MEFV: variants seen among roughly 807,000 people sequenced by gnomAD.
MEFV encodes MEFV innate immunity regulator, pyrin.
MEFV carries 60 observed loss-of-function variants against 62.5 expected under a neutral mutation model. The ratio of observed to expected loss-of-function variants is 0.96; its 90% CI spans 0.78 to 1.19. The LOEUF is 1.19. Ranked by LOEUF, MEFV falls within the 50% of genes most tolerant of loss-of-function variation. MEFV has a pLI of 0.00. For synonymous variants in MEFV, 500 were observed against 415.2 expected, an observed-to-expected ratio of 1.20 and a Z score of -2.48; for missense variants, 1,169 against 1,004.5, an observed-to-expected ratio of 1.16 and a Z score of -2.21.
At chr16:3,251,023 CAAAAAAAAAAAAAA>C (rs58529756) in intron 2 of MEFV, among the ~76,000 whole-genome samples, 1 of 49,378 alleles carries the variant, frequency 2.0e-5, no homozygotes. Flanking sequence ...GACTCCATCT[CAAAAAAAAAAAAAA>C]AAAAAAAAAG....
chr16:3,251,023 CAAAA>C (rs58529756), intron 2 of MEFV, among the ~76,000 whole-genome samples: 2 of 49,376 alleles, frequency 4.1e-5, no homozygotes, highest in Non-Finnish European at 4.3e-5. Context: ...GACTCCATCT[CAAAA>C]AAAAAAAAAA....
rs150252937 is a variant in MEFV at position 3,249,743 on chromosome 16, G to A, written c.948C>T (p.His316=). Residue 316 remains histidine (H), a synonymous_variant, in exon 3 of 10, where the codon CAC becomes CAT. Transcript: ENST00000219596. ...PPDTAASPRC[H]AQEGDPVDGT... is the part of the protein sequence containing the mutation. ...CGTCAACTGGGTCTCCTTCCTGGGC[G>A]TGGCAGCGGGGACTCGCAGCCGTGT... 1.3e-4 allele frequency: 207 copies of A among 1,614,144 alleles called. No homozygotes were observed. Among genetic ancestry groups the A allele is most frequent in the Admixed American group, 2.7e-4 (16 of 60,016 alleles).
At chr16:3,252,299 G>A (rs1264803758) in intron 2 of MEFV, among the ~76,000 whole-genome samples, 1 of 145,432 alleles carries the variant, frequency 6.9e-6, no homozygotes, top group African/African-American at 2.5e-5. Flanking sequence ...TTGAGACAGA[G>A]TTTTGCTCTT....
intron 4 of MEFV, chr16:3,247,716 T>G: frequency 5.8e-6 from 1 of 171,806 alleles, no homozygotes; most frequent in East Asian, 1.5e-4. Flanking sequence ...GGCAGATCAC[T>G]TGAGATCAGG....
chr16:3,246,674 G>A (rs185373962), intron 5 of MEFV, 127 bp from the exon 6 acceptor site: 21 of 1,010,130 alleles, frequency 2.1e-5, no homozygotes, highest in Non-Finnish European at 3.2e-5. Flanking sequence ...CCTGCCCTAG[G>A]GTGTCAGTGG....
intron 5 of MEFV, 145 bp downstream of exon 5, chr16:3,246,871 C>T (rs892952552): frequency 3.6e-6 from 3 of 823,304 alleles, no homozygotes; most frequent in Admixed American, 4.0e-5. Flanking sequence ...GCACAAGAGG[C>T]ACTGTGGGTC....
chr16:3,247,440 G>C lies in MEFV; in HGVS notation c.1357-194C>G, dbSNP rs1227365251. The stretch of plus-strand genomic sequence containing the variant: ...AAAAGACTGAGCATGGCTGGGGCTA[G>C]CTCTGGGAAAATGTCCTTAAACCTG... On this transcript the variant is annotated intron_variant, in intron 4 of 9. Transcript: ENST00000219596. 5.0e-6 allele frequency: 3 copies of C among 601,522 alleles called. No homozygotes were observed. In the African/African-American group the frequency reaches 5.6e-5, roughly 11 times the overall value. The allele number at this position is 601,522 out of a possible 1,614,324, so 37.3% of individuals were successfully genotyped here.
intron 9 of MEFV, 76 bp downstream of exon 9, chr16:3,243,784 G>C: frequency 6.2e-7 from 1 of 1,608,524 alleles, no homozygotes. Flanking sequence ...GGACAGGGTA[G>C]TTCTTCTGGA....
In MEFV at chr16:3,256,458, G is replaced by C. The variant is rs1172820862; in HGVS notation, c.130C>G (p.Gln44Glu). Residue 44 changes from glutamine (Q) to glutamate (E), a missense_variant, in exon 1 of 10, where the codon CAG becomes GAG. Gln to Glu is a conservative substitution (Grantham distance 29). Transcript: ENST00000219596. ...QKEHSRIPRS[Q>E]IQRARPVKMA... ...TTCACCGGCCTGGCTCTCTGGATCTGGCTCCGGGGGATCCTGGAGTGCTCC... is the reference window on the plus strand; with the variant it reads ...TTCACCGGCCTGGCTCTCTGGATCTCGCTCCGGGGGATCCTGGAGTGCTCC... 1 of 1,614,224 alleles carries C rather than the reference G, an allele frequency of 6.2e-7. No individual in the cohort carries two copies. The highest frequency in any genetic ancestry group is 2.2e-5 in the East Asian group (1 of 44,884).
Position 3,254,620 on chromosome 16 carries a change from C to T in MEFV, c.448G>A (p.Gly150Arg), listed in dbSNP as rs1959088372. The T allele has an allele frequency of 1.9e-6, 3 of 1,603,680 alleles. No individual in the cohort carries two copies. The highest frequency in any genetic ancestry group is 1.7e-4 in the Middle Eastern group (1 of 6,030). The change falls in exon 2 of 10, where the codon GGG becomes AGG. Residue 150 changes from glycine (G) to arginine (R), a missense_variant. Gly to Arg is a moderately radical substitution (Grantham distance 125, BLOSUM62 -2). Coordinates refer to ENST00000219596, the MANE Select transcript of MEFV (RefSeq NM_000243.3). ...ASLRCSQPEAGRGLSRKPLSK... is the reference protein window; with the variant it reads ...ASLRCSQPEARRGLSRKPLSK... ...AGGGGCTTCCTCGACAGCCCCCTCC[C>T]GGCCTCGGGCTGGCTGCACCGCAGG...
At chr16:3,244,924 A>G (rs546430403) in intron 6 of MEFV, among the ~76,000 whole-genome samples, 3 of 149,242 alleles carry the variant, frequency 2.0e-5, no homozygotes, top group East Asian at 1.9e-4. Context: ...ATAATAAATG[A>G]AAAAAAAACA....
At chr16:3,244,923 G>GAA (rs75994097) in intron 6 of MEFV, among the ~76,000 whole-genome samples, 33 of 151,574 alleles carry the variant, frequency 2.2e-4, no homozygotes, top group African/African-American at 6.8e-4. Context: ...GATAATAAAT[G>GAA]AAAAAAAAAC....
chr16:3,254,747 G>A lies in MEFV; in HGVS notation c.321C>T (p.Ser107=). ...TGGGCTTGTTCTCCCCCAGGGAGCT[G>A]GACGCTGCGGAATCATCTGTGCCGT... ...QENGTDDSAA[S]SSLGENKPRS... The change falls in exon 2 of 10, where the codon TCC becomes TCT. Residue 107 remains serine (S), a synonymous_variant. Transcript: ENST00000219596. 1.9e-6 allele frequency: 3 copies of A among 1,612,800 alleles called. No homozygotes were observed. The highest frequency in any genetic ancestry group is 1.3e-5 in the African/African-American group (1 of 75,068).
intron 4 of MEFV, 31 bp from the exon 5 acceptor site, chr16:3,247,277 G>A (rs750330939): frequency 1.9e-6 from 3 of 1,601,932 alleles, no homozygotes; most frequent in Admixed American, 3.3e-5. Context: ...AGGTATGGGG[G>A]TCTGTGCTGT....
chr16:3,254,845 G>A, intron 1 of MEFV, 55 bp from the exon 2 acceptor site: 5 of 1,603,174 alleles, frequency 3.1e-6, no homozygotes, highest in Non-Finnish European at 4.2e-6. Context: ...TAGGGCCCAA[G>A]ATTCAGGGCA....
At chr16:3,246,974 A>G (rs1472774911) in intron 5 of MEFV, 42 bp downstream of exon 5, 1 of 1,578,454 alleles carries the variant, frequency 6.3e-7, no homozygotes, top group Admixed American at 1.7e-5. Context: ...GCATCCTGAT[A>G]GGCACAGGGG....
chr16:3,248,639 G>A lies in MEFV; in HGVS notation c.1356+270C>T, dbSNP rs115453411. On this transcript the variant is annotated intron_variant, in intron 4 of 9. Transcript: ENST00000219596. ...CCCTTTTCCTCAATCCCATCTTTCT[G>A]CAGTAGTCACCGGCATAGGTTGCTC... 2,140 of 944,028 alleles carry A rather than the reference G, an allele frequency of 2.3e-3. 29 individuals carry two copies. In the African/African-American group the frequency reaches 0.03, roughly 13 times the overall value. The allele number at this position is 944,028 out of a possible 1,614,324, so 58.5% of individuals were successfully genotyped here. A position where few individuals can be genotyped will look rare whatever the true frequency, so the allele number is the denominator to read the frequency against.
chr16:3,243,153 CT>C lies in MEFV; in HGVS notation c.2333del (p.Gln778ArgfsTer55). ...APLTICPVGG[Q>X]GPD ...CAGTGTTGGGCATTCAGTCAGGCCC[CT>C]GACCACCCACTGGACAGATAGTCAG... is the stretch of plus-strand genomic sequence containing the variant. On this transcript the variant is annotated frameshift_variant, in exon 10 of 10. Coordinates refer to ENST00000219596, the MANE Select transcript of MEFV (RefSeq NM_000243.3). LOFTEE classifies it high-confidence loss of function. The C allele has an allele frequency of 6.2e-7, 1 of 1,613,572 alleles. No homozygotes were observed. Among genetic ancestry groups the C allele is most frequent in the South Asian group, 1.1e-5 (1 of 91,056 alleles).
chr16:3,242,990 C>G lies in MEFV; in HGVS notation c.*151G>C, dbSNP rs1958879272. ...CATGTTCGTTCCTAACTTACCTCTG[C>G]TATAATCGGGTAGGCTCCGTGGGCA... On this transcript the variant is annotated 3_prime_UTR_variant, in exon 10 of 10. Coordinates refer to ENST00000219596, the MANE Select transcript of MEFV (RefSeq NM_000243.3). The G allele has an allele frequency of 1.2e-6, 1 of 824,998 alleles. No individual in the cohort carries two copies. The allele number at this position is 824,998 out of a possible 1,614,324, so 51.1% of individuals were successfully genotyped here. A position where few individuals can be genotyped will look rare whatever the true frequency, so the allele number is the denominator to read the frequency against.
Sources: gnomAD v4.1 joint callset for allele counts (sites outside exome capture counted in the v4.1 genomes callset) on GRCh38, gnomAD v4.1.1 for gene constraint, MANE v1.5 for transcripts, NCBI Gene and HGNC (gene_info 2026-07-23, HGNC 2026-07-21) for gene names.